Variants in LIMK2 observed in about 807,000 individuals in gnomAD.
LIMK2 encodes the protein LIM domain kinase 2.
LIMK2 carries 35 observed loss-of-function variants against 75.7 expected under a neutral mutation model. That is an observed-to-expected ratio of 0.46 (90% CI 0.35 to 0.61). LIMK2 has a LOEUF of 0.61. LIMK2 is among the 20% of genes least tolerant of loss of function. LIMK2 has a pLI of 0.00. For synonymous variants in LIMK2, 301 were observed against 319.2 expected, an observed-to-expected ratio of 0.94 and a Z score of 0.61; for missense variants, 623 against 831.0, an observed-to-expected ratio of 0.75 and a Z score of 3.08.
At chr22:31,230,886 T>C (rs1009586597) in intron 2 of LIMK2, among the ~76,000 whole-genome samples, 2 of 152,198 alleles carry the variant, frequency 1.3e-5, no homozygotes, top group African/African-American at 4.8e-5. Context: ...GGTAGAATCA[T>C]AATTACAGTA....
chr22:31,266,020 G>C lies in LIMK2; in HGVS notation c.929G>C (p.Ser310Thr). The change falls in exon 8 of 16, where the codon AGC becomes ACC. Residue 310 changes from serine (S) to threonine (T), a missense_variant. Transcript: ENST00000331728. ...CCCCTGCTGTTCAGCCGTGACATCA[G>C]CCGCTCAGAATCCCTTCGTTGTTCC... Reference protein sequence around the residue: ...KEPLLFSRDISRSESLRCSSS... With the variant: ...KEPLLFSRDITRSESLRCSSS... 6.2e-7 allele frequency: 1 copy of C among 1,614,164 alleles called. No individual in the cohort carries two copies. The highest frequency in any genetic ancestry group is 1.1e-5 in the South Asian group (1 of 91,084).
intron 2 of LIMK2, among the ~76,000 whole-genome samples, chr22:31,257,408 T>C (rs1375911318): frequency 6.6e-6 from 1 of 152,180 alleles, no homozygotes; most frequent in African/African-American, 2.4e-5. Flanking sequence ...TATTTATTTA[T>C]TTTTGCTGAA....
intron 2 of LIMK2, among the ~76,000 whole-genome samples, chr22:31,244,301 A>G (rs2048647473): frequency 6.6e-6 from 1 of 152,240 alleles, no homozygotes; most frequent in Non-Finnish European, 1.5e-5. Context: ...TGTTCATCAC[A>G]TGGAAATCAG....
chr22:31,277,695 C>A, intron 15 of LIMK2: 1 of 296,972 alleles, frequency 3.4e-6, no homozygotes, highest in Non-Finnish European at 5.0e-6. Context: ...CAGCAGCGAA[C>A]AAAATAAAGG....
chr22:31,271,343 C>G, intron 12 of LIMK2, 142 bp downstream of exon 12: 1 of 710,604 alleles, frequency 1.4e-6, no homozygotes, highest in South Asian at 1.6e-5. Context: ...CTGCTTCTTC[C>G]AATGCCCTTC....
intron 1 of LIMK2, among the ~76,000 whole-genome samples, chr22:31,215,626 G>GT (rs556603484): frequency 5.3e-5 from 8 of 152,136 alleles, no homozygotes; most frequent in Non-Finnish European, 1.2e-4. Flanking sequence ...CTGGCACATG[G>GT]TAAGCCCTTA....
intron 2 of LIMK2, among the ~76,000 whole-genome samples, chr22:31,234,056 A>G (rs1005236159): frequency 4.6e-5 from 7 of 152,016 alleles, no homozygotes; most frequent in African/African-American, 1.7e-4. Flanking sequence ...TCTGTTCCCC[A>G]GGCTGGAGTG....
chr22:31,269,647 G>A (rs1014211252), intron 11 of LIMK2, among the ~76,000 whole-genome samples: 3 of 151,924 alleles, frequency 2.0e-5, no homozygotes, highest in South Asian at 2.1e-4. Context: ...GGTGGTGCAC[G>A]CCTGTAGTCC....
chr22:31,246,494 C>G (rs1175437798), intron 2 of LIMK2, among the ~76,000 whole-genome samples: 1 of 152,040 alleles, frequency 6.6e-6, no homozygotes, highest in African/African-American at 2.4e-5. Flanking sequence ...GTGGCCACGA[C>G]AGTCTGTATG....
chr22:31,273,521 C>T lies in LIMK2; in HGVS notation c.1614+14C>T, dbSNP rs765754392. ...GTTCTCTGTGAGGTGAGCTCTGGCA[C>T]CAAGGCCATGCCCGAGGCAGCAGGC... On this transcript the variant is annotated intron_variant, in intron 14 of 15. Coordinates refer to ENST00000331728, the MANE Select transcript of LIMK2 (RefSeq NM_005569.4). 1.2e-5 allele frequency: 19 copies of T among 1,612,064 alleles called. No individual in the cohort carries two copies. The highest frequency in any genetic ancestry group is 1.7e-5 in the Admixed American group (1 of 59,994).
intron 1 of LIMK2, among the ~76,000 whole-genome samples, chr22:31,216,065 G>A (rs1331762899): frequency 6.6e-6 from 1 of 152,176 alleles, no homozygotes; most frequent in Non-Finnish European, 1.5e-5. Context: ...ATCATATTCA[G>A]GGATAAATCC....
intron 13 of LIMK2, 80 bp downstream of exon 13, chr22:31,272,784 G>T: frequency 2.0e-6 from 3 of 1,498,794 alleles, no homozygotes; most frequent in South Asian, 1.4e-5. Flanking sequence ...GGGAATTCCA[G>T]GGGAGGCCTG....
At chr22:31,249,727 G>T (rs190745070) in intron 2 of LIMK2, among the ~76,000 whole-genome samples, 1 of 152,216 alleles carries the variant, frequency 6.6e-6, no homozygotes, top group Admixed American at 6.5e-5. Context: ...AGATCTTGCT[G>T]CCGGGATACT....
chr22:31,225,610 A>G, intron 1 of LIMK2, 110 bp from the exon 2 acceptor site: 1 of 778,748 alleles, frequency 1.3e-6, no homozygotes, highest in Non-Finnish European at 2.2e-6. Context: ...GCATTGGCCT[A>G]ACCCTTTCAA....
At chr22:31,276,684 G>A in intron 15 of LIMK2, 6 of 1,119,454 alleles carry the variant, frequency 5.4e-6, no homozygotes, top group Non-Finnish European at 6.6e-6. Flanking sequence ...GGCCCCGGAG[G>A]CCGCCGTGGC....
rs559634563 is a variant in LIMK2 at position 31,264,564 on chromosome 22, G to A, written c.855-1382G>A. ...GACTTTATTGCTGTAAAAATCATAC[G>A]TGTTTATCATCTTAAAATTCAGGAA... On this transcript the variant is annotated intron_variant, in intron 7 of 15. Transcript: ENST00000331728. Among the ~76,000 whole-genome samples, 10 of 152,292 alleles carry A rather than the reference G, an allele frequency of 6.6e-5. No homozygotes were observed. The South Asian group carries it at 1.7e-3, about 25-fold the overall frequency.
At chr22:31,234,778 T>C (rs1223660789) in intron 2 of LIMK2, among the ~76,000 whole-genome samples, 1 of 150,498 alleles carries the variant, frequency 6.6e-6, no homozygotes, top group East Asian at 2.0e-4. Context: ...CCCTCCGTAA[T>C]GTGGCCTCTC....
intron 1 of LIMK2, among the ~76,000 whole-genome samples, chr22:31,224,928 G>A (rs1330175940): frequency 6.6e-6 from 1 of 152,244 alleles, no homozygotes; most frequent in Non-Finnish European, 1.5e-5. Context: ...AGCAGGAGGT[G>A]AGCGGCGGGC....
In LIMK2 at chr22:31,266,924, C is replaced by CA. The variant is rs150652099; in HGVS notation, c.1042-57dup. 4,952 of 1,232,946 alleles carry CA rather than the reference C, an allele frequency of 4.0e-3. 156 individuals carry two copies. The African/African-American group carries it at 0.062, about 15-fold the overall frequency. The allele number at this position is 1,232,946 out of a possible 1,614,324, so 76.4% of individuals were successfully genotyped here. On this transcript the variant is annotated intron_variant, in intron 8 of 15. Transcript: ENST00000331728. Reference sequence around the variant, plus strand: ...GGATGGCCAGCTGCATAGATTTTCTCAAACAGTTCTCCAGAACTTCCTCTG... The same window carrying CA: ...GGATGGCCAGCTGCATAGATTTTCTCAAAACAGTTCTCCAGAACTTCCTCTG...
Sources: gnomAD v4.1 joint callset for allele counts (sites outside exome capture counted in the v4.1 genomes callset) on GRCh38, gnomAD v4.1.1 for gene constraint, MANE v1.5 for transcripts, NCBI Gene and HGNC (gene_info 2026-07-23, HGNC 2026-07-21) for gene names.